ITGAV: variants seen among roughly 807,000 people sequenced by gnomAD.
The protein encoded by ITGAV is integrin alpha-V.
In ITGAV, 76 loss-of-function variants were observed where a neutral mutation model predicts 143.8. That is an observed-to-expected ratio of 0.53 (90% CI 0.44 to 0.64). ITGAV has a LOEUF of 0.64. Ranked by LOEUF, ITGAV falls within the 30% of genes least tolerant of loss-of-function variation. The probability of loss-of-function intolerance (pLI) is 0.00; values close to 1 mark genes in which losing one functional copy is unlikely to be tolerated. For missense variants in ITGAV, 1,193 were observed against 1,274.7 expected, an observed-to-expected ratio of 0.94 and a Z score of 0.98; for synonymous variants, 453 against 446.7, an observed-to-expected ratio of 1.01 and a Z score of -0.18.
At chr2:186,673,017 T>A (rs1188624927) in intron 26 of ITGAV, among the ~76,000 whole-genome samples, 3 of 152,236 alleles carry the variant, frequency 2.0e-5, no homozygotes, top group Non-Finnish European at 4.4e-5. Context: ...GATTCATACC[T>A]AGGCTTTTTG....
intron 2 of ITGAV, among the ~76,000 whole-genome samples, chr2:186,618,527 CAG>C (rs1344650061): frequency 1.3e-5 from 2 of 152,170 alleles, no homozygotes; most frequent in East Asian, 1.9e-4. Context: ...AAATAGGAAA[CAG>C]AACATGGTAG....
At chr2:186,620,169 C>T (rs1187908816) in intron 2 of ITGAV, among the ~76,000 whole-genome samples, 1 of 152,124 alleles carries the variant, frequency 6.6e-6, no homozygotes, top group Non-Finnish European at 1.5e-5. Context: ...TTGTACTGTA[C>T]CCTTACTTTC....
chr2:186,642,929 A>G lies in ITGAV; in HGVS notation c.1159+1341A>G, dbSNP rs371512200. Among the ~76,000 whole-genome samples the G allele has an allele frequency of 6.6e-5, 10 of 152,332 alleles. No homozygotes were observed. The East Asian group carries it at 1.9e-3, about 29-fold the overall frequency. ...TTTTACCACAAAGAGAACTTAGCATAAATCAAATGGAGCTATGGTATGAAG... is the reference window on the plus strand; with the variant it reads ...TTTTACCACAAAGAGAACTTAGCATGAATCAAATGGAGCTATGGTATGAAG... On this transcript the variant is annotated intron_variant, in intron 12 of 29. Transcript: ENST00000261023.
At chr2:186,629,691 T>A (rs1485160635) in intron 4 of ITGAV, among the ~76,000 whole-genome samples, 1 of 152,114 alleles carries the variant, frequency 6.6e-6, no homozygotes, top group Non-Finnish European at 1.5e-5. Context: ...TTCTTAGAAG[T>A]TTGTCCTTGT....
chr2:186,659,503 G>A (rs993141409), intron 18 of ITGAV, among the ~76,000 whole-genome samples: 38 of 151,740 alleles, frequency 2.5e-4, no homozygotes, highest in Non-Finnish European at 5.2e-4. Context: ...AAATATATTT[G>A]ATATCTGTTA....
At chr2:186,651,215 G>C (rs1239807100) in intron 14 of ITGAV, among the ~76,000 whole-genome samples, 3 of 152,194 alleles carry the variant, frequency 2.0e-5, no homozygotes, top group Non-Finnish European at 2.9e-5. Flanking sequence ...ATGTAGCGGA[G>C]TTTGCGATGG....
Position 186,667,654 on chromosome 2 carries a change from C to A in ITGAV, c.2328-17C>A, listed in dbSNP as rs755042116. 6.9e-7 allele frequency: 1 copy of A among 1,444,178 alleles called. No individual in the cohort carries two copies. The highest frequency in any genetic ancestry group is 9.7e-7 in the Non-Finnish European group (1 of 1,031,490). The allele number at this position is 1,444,178 out of a possible 1,614,324, so 89.5% of individuals were successfully genotyped here. A position where few individuals can be genotyped will look rare whatever the true frequency, so the allele number is the denominator to read the frequency against. On this transcript the variant is annotated splice_polypyrimidine_tract_variant and intron_variant, in intron 23 of 29. Coordinates refer to ENST00000261023, the MANE Select transcript of ITGAV (RefSeq NM_002210.5). ...CATTTTGATATTCATGGTAGGTTTT[C>A]TTTGGTCATTGTTTAGAGTCTCGAG... is the stretch of plus-strand genomic sequence containing the variant.
intron 18 of ITGAV, among the ~76,000 whole-genome samples, chr2:186,661,198 A>G (rs964177528): frequency 2.2e-4 from 34 of 152,192 alleles, no homozygotes; most frequent in African/African-American, 7.7e-4. Context: ...ATATACTTTT[A>G]ACACATCTAA....
intron 2 of ITGAV, among the ~76,000 whole-genome samples, chr2:186,614,227 T>A (rs1687292279): frequency 6.6e-6 from 1 of 152,016 alleles, no homozygotes; most frequent in Non-Finnish European, 1.5e-5. Context: ...TACTTAAATC[T>A]CACCACTCAG....
intron 2 of ITGAV, among the ~76,000 whole-genome samples, chr2:186,615,452 C>T (rs1319644899): frequency 1.3e-5 from 2 of 152,084 alleles, no homozygotes; most frequent in Non-Finnish European, 2.9e-5. Context: ...GTCTCCGTAT[C>T]CTTGTGGACA....
chr2:186,636,825 C>T (rs900685555), intron 7 of ITGAV, among the ~76,000 whole-genome samples: 3 of 152,052 alleles, frequency 2.0e-5, no homozygotes, highest in African/African-American at 7.2e-5. Flanking sequence ...TTAACAGACT[C>T]CTTTGTAAAG....
rs202182792 is a variant in ITGAV at position 186,669,834 on chromosome 2, T to G, written c.2706+20T>G. On this transcript the variant is annotated intron_variant, in intron 26 of 29. Transcript: ENST00000261023. The stretch of plus-strand genomic sequence containing the variant: ...ACTTTGGTAAGTGCCATTTCAAATA[T>G]GTGCACCATAGACATTTAAAAATAT... 2.7e-6 allele frequency: 4 copies of G among 1,469,410 alleles called. No individual in the cohort carries two copies. The highest frequency in any genetic ancestry group is 2.9e-6 in the Non-Finnish European group (3 of 1,048,730). 91.0% of individuals were successfully genotyped at this position (1,469,410 alleles called of 1,614,324 possible).
At chr2:186,659,214 A>AT (rs568883223) in intron 18 of ITGAV, 39 bp downstream of exon 18, 531 of 1,342,886 alleles carry the variant, frequency 4.0e-4, no homozygotes, top group African/African-American at 1.0e-3. Flanking sequence ...ATATTTTGTT[A>AT]TTTTTTTTTA....
intron 25 of ITGAV, 131 bp downstream of exon 25, chr2:186,669,051 C>G (rs1574503030): frequency 1.4e-6 from 1 of 713,282 alleles, no homozygotes; most frequent in African/African-American, 1.8e-5. Flanking sequence ...TGGTTTAGTT[C>G]ATAAGCAGTA....
chr2:186,679,016 A>G lies in ITGAV; in HGVS notation c.*1724A>G. 4.0e-6 allele frequency: 1 copy of G among 248,962 alleles called. No individual in the cohort carries two copies. Among genetic ancestry groups the G allele is most frequent in the Non-Finnish European group, 7.9e-6 (1 of 126,826 alleles). The allele number at this position is 248,962 out of a possible 1,614,324, so 15.4% of individuals were successfully genotyped here. ...TTTAGCTTTAGTGAATTTCAAAAGT[A>G]ATGGGTCTTGGAGTATAGATTTTTA... On this transcript the variant is annotated 3_prime_UTR_variant, in exon 30 of 30. Coordinates refer to ENST00000261023, the MANE Select transcript of ITGAV (RefSeq NM_002210.5).
chr2:186,633,487 A>C, intron 6 of ITGAV, 113 bp downstream of exon 6: 1 of 519,192 alleles, frequency 1.9e-6, no homozygotes, highest in East Asian at 3.3e-5. Flanking sequence ...ATGGAAATAC[A>C]ATTAAAGTAT....
chr2:186,625,720 TAAC>T (rs1234545923), intron 4 of ITGAV, 133 bp downstream of exon 4: 7 of 467,186 alleles, frequency 1.5e-5, no homozygotes, highest in African/African-American at 2.0e-5. Context: ...ATTATGATGA[TAAC>T]AAAATGAAAA....
intron 15 of ITGAV, 93 bp downstream of exon 15, chr2:186,652,182 TGCTAAAACA>T: frequency 1.3e-6 from 1 of 757,454 alleles, no homozygotes; most frequent in South Asian, 1.7e-5. Context: ...GCTGAAATAT[TGCTAAAACA>T]GTTTCTGTGA....
chr2:186,664,929 A>G (rs1406054209), intron 20 of ITGAV, among the ~76,000 whole-genome samples, 197 bp from the exon 21 acceptor site: 1 of 152,180 alleles, frequency 6.6e-6, no homozygotes, highest in Non-Finnish European at 1.5e-5. Context: ...ATGGTTTTGT[A>G]TGGTAGTCCT....
Sources: allele counts gnomAD v4.1 joint callset (sites outside exome capture counted in the v4.1 genomes callset), GRCh38; gene constraint gnomAD v4.1.1; transcripts MANE v1.5; gene names NCBI Gene and HGNC (gene_info 2026-07-23, HGNC 2026-07-21).